CTNNA1: variants seen among roughly 807,000 people sequenced by gnomAD.
CTNNA1 encodes the protein catenin alpha-1.
In CTNNA1, 37 loss-of-function variants were observed where a neutral mutation model predicts 98.4. The ratio of observed to expected loss-of-function variants is 0.38; its 90% confidence interval spans 0.29 to 0.49. CTNNA1 has a LOEUF of 0.49. Ranked by LOEUF, CTNNA1 falls within the 20% of genes least tolerant of loss-of-function variation. The pLI, the probability that CTNNA1 is intolerant of heterozygous loss-of-function variation, is 0.95. For synonymous variants in CTNNA1, 404 were observed against 413.2 expected (o/e 0.98, Z 0.27); for missense variants, 761 against 1,147.2 (o/e 0.66, Z 4.86).
rs565608378 is a variant in CTNNA1, at chr5:138,846,216, T to C, written c.1062+18498T>C. 1.1e-4 allele frequency among the ~76,000 whole-genome samples: 16 copies of C among 152,342 alleles called. No individual in the cohort carries two copies. The South Asian group carries it at 3.1e-3, about 30-fold the overall frequency. On this transcript the variant is annotated intron_variant, in intron 7 of 17. Transcript: ENST00000302763. ...ATCCACCCTCCTCGGCCTCTCAAAG[T>C]GCTGGGATTACAGGCGCGAGCCACT...
At chr5:138,923,735 T>TTG (rs1277539957) in intron 11 of CTNNA1, among the ~76,000 whole-genome samples, 1 of 152,222 alleles carries the variant, frequency 6.6e-6, no homozygotes, top group East Asian at 1.9e-4. Flanking sequence ...TGCTTTCACG[T>TTG]TGTTACTACA....
intron 7 of CTNNA1, among the ~76,000 whole-genome samples, chr5:138,853,623 A>G (rs1209955771): frequency 3.9e-5 from 6 of 152,236 alleles, no homozygotes; most frequent in African/African-American, 7.2e-5. Flanking sequence ...TTACATGCAC[A>G]TAAGTTTGGG....
intron 6 of CTNNA1, among the ~76,000 whole-genome samples, chr5:138,825,263 T>C (rs1390646506): frequency 6.6e-6 from 1 of 152,304 alleles, no homozygotes; most frequent in East Asian, 1.9e-4. Context: ...ATACTTCTTT[T>C]CAGTGACTAA....
Position 138,830,301 on chromosome 5 carries a change from G to A in CTNNA1, c.1062+2583G>A, listed in dbSNP as rs538175817. ...GGTGTGAATCCAGCAGGCGGAGCTTGCAGTGAGCCAAGATCGCACCACTGC... is the reference window on the plus strand; with the variant it reads ...GGTGTGAATCCAGCAGGCGGAGCTTACAGTGAGCCAAGATCGCACCACTGC... On this transcript the variant is annotated intron_variant, in intron 7 of 17. Transcript: ENST00000302763. Among the ~76,000 whole-genome samples, 39 of 151,520 alleles carry A rather than the reference G, an allele frequency of 2.6e-4. No individual in the cohort carries two copies. In the South Asian group the frequency reaches 7.5e-3, roughly 29 times the overall value.
chr5:138,854,915 A>G (rs896823698), intron 7 of CTNNA1, among the ~76,000 whole-genome samples: 6 of 152,218 alleles, frequency 3.9e-5, no homozygotes, highest in African/African-American at 9.6e-5. Context: ...TTGAGTACCC[A>G]TTATAACCAT....
chr5:138,904,987 G>A (rs998642824), intron 10 of CTNNA1, among the ~76,000 whole-genome samples: 2 of 151,184 alleles, frequency 1.3e-5, no homozygotes, highest in Non-Finnish European at 2.9e-5. Context: ...CCAGCTACTC[G>A]GGAGGCTGAG....
chr5:138,813,660 C>G (rs1008109887), intron 5 of CTNNA1, among the ~76,000 whole-genome samples: 1 of 152,174 alleles, frequency 6.6e-6, no homozygotes, highest in Non-Finnish European at 1.5e-5. Context: ...AGATCTCACT[C>G]TGTTGCCCAG....
chr5:138,882,984 A>G (rs1173101247), intron 7 of CTNNA1, among the ~76,000 whole-genome samples: 2 of 152,034 alleles, frequency 1.3e-5, no homozygotes, highest in Non-Finnish European at 2.9e-5. Flanking sequence ...ACATGCCACC[A>G]CGCCTGGCTA....
intron 13 of CTNNA1, among the ~76,000 whole-genome samples, chr5:138,925,858 C>A (rs1763900324): frequency 6.6e-6 from 1 of 152,126 alleles, no homozygotes; most frequent in South Asian, 2.1e-4. Flanking sequence ...CCAGGTGATG[C>A]TCCTAGGCTC....
intron 3 of CTNNA1, among the ~76,000 whole-genome samples, chr5:138,804,230 G>A (rs1757859245): frequency 2.0e-5 from 3 of 152,274 alleles, no homozygotes; most frequent in African/African-American, 7.2e-5. Context: ...CCAAAACTTA[G>A]GCCTATATCC....
Position 138,917,886 on chromosome 5 carries a change from T to G in CTNNA1, c.1534T>G (p.Leu512Val). ...VDDITSIDDF[L>V]AVSENHILED... ...TGACATTACTTCCATTGATGACTTC[T>G]TGGCTGTCTCAGGTAATGAGCTGGT... The change falls in exon 11 of 18, where the codon TTG (leucine) becomes GTG (valine). Residue 512 changes from leucine to valine, a missense_variant. Transcript: ENST00000302763. 1 of 1,614,110 alleles carries G rather than the reference T, an allele frequency of 6.2e-7. No homozygotes were observed. The highest frequency in any genetic ancestry group is 8.5e-7 in the Non-Finnish European group (1 of 1,179,930).
At chr5:138,798,952 TTAAAC>T (rs949265389) in intron 3 of CTNNA1, among the ~76,000 whole-genome samples, 63 of 152,252 alleles carry the variant, frequency 4.1e-4, no homozygotes, top group Non-Finnish European at 7.1e-4. Context: ...TCTTATAAAT[TTAAAC>T]TAACAGGTAT....
chr5:138,895,079 A>G (rs750152216), intron 9 of CTNNA1, among the ~76,000 whole-genome samples: 8 of 152,210 alleles, frequency 5.3e-5, no homozygotes, highest in Non-Finnish European at 1.2e-4. Flanking sequence ...CCAAAAGAAT[A>G]TAAGTTATCT....
intron 2 of CTNNA1, 171 bp downstream of exon 2, chr5:138,782,200 G>C (rs1755188711): frequency 1.5e-6 from 1 of 683,818 alleles, no homozygotes; most frequent in Non-Finnish European, 2.5e-6. Context: ...TAACCCTTGA[G>C]AACGCTGCTG....
chr5:138,782,425 G>T, intron 2 of CTNNA1: 2 of 392,656 alleles, frequency 5.1e-6, no homozygotes, highest in Non-Finnish European at 1.0e-5. Context: ...TGAGGGTTTA[G>T]GTTTGGTATG....
intron 7 of CTNNA1, among the ~76,000 whole-genome samples, chr5:138,856,369 G>A (rs1241115373): frequency 6.6e-6 from 1 of 151,794 alleles, no homozygotes; most frequent in Non-Finnish European, 1.5e-5. Flanking sequence ...AACAGACAGG[G>A]TCTCACTCTG....
At position 138,783,033 on chromosome 5, in the gene CTNNA1, A is replaced by G. The variant is rs1026957298; in HGVS notation, c.106-144A>G. ...ATTAAATATAGCATCATTGCTGTAT[A>G]TCTTAAATATGGGGAATTGTATGTT... On this transcript the variant is annotated intron_variant, in intron 2 of 17. Transcript: ENST00000302763. 3 of 592,892 alleles carry G rather than the reference A, an allele frequency of 5.1e-6. No homozygotes were observed. The African/African-American group carries it at 5.5e-5, about 11-fold the overall frequency. The allele number at this position is 592,892 out of a possible 1,614,324, so 36.7% of individuals were successfully genotyped here. A position where few individuals can be genotyped will look rare whatever the true frequency, so the allele number is the denominator to read the frequency against.
intron 8 of CTNNA1, 84 bp downstream of exon 8, chr5:138,886,376 T>C (rs1581475207): frequency 7.4e-7 from 1 of 1,355,698 alleles, no homozygotes; most frequent in Non-Finnish European, 1.0e-6. Context: ...ACTGGCCTTA[T>C]ATTTTTTTAT....
In CTNNA1 at chr5:138,874,944, G is replaced by A. The variant is rs375851786; in HGVS notation, c.1063-11268G>A. The stretch of plus-strand genomic sequence containing the variant: ...AGCACATTGGAGGCTGCATTCAGTC[G>A]CGGTTGTTAGACTCAACGCAGTGAG... On this transcript the variant is annotated intron_variant, in intron 7 of 17. Transcript: ENST00000302763. The surrounding 1 kb of genome is among the most constrained non-coding windows in gnomAD (Gnocchi z 4.1). 317 of 1,612,744 alleles carry A rather than the reference G, an allele frequency of 2.0e-4. No homozygotes were observed. The highest frequency in any genetic ancestry group is 2.6e-4 in the Non-Finnish European group (304 of 1,179,342).
Sources: gnomAD v4.1 joint callset for allele counts (sites outside exome capture counted in the v4.1 genomes callset) on GRCh38, gnomAD v4.1.1 for gene constraint, Gnocchi (gnomAD v3.1) non-coding constraint, MANE v1.5 for transcripts, NCBI Gene and HGNC (gene_info 2026-07-23, HGNC 2026-07-21) for gene names.